Variants in PRSS54 observed in about 807,000 individuals in gnomAD.
PRSS54 encodes the protein serine protease 54.
PRSS54 carries 16 observed loss-of-function variants against 19.9 expected under a neutral mutation model. That is an observed-to-expected ratio of 0.80 (90% confidence interval 0.54 to 1.22). The LOEUF (loss-of-function observed/expected upper bound fraction) is 1.22. Ranked by LOEUF, PRSS54 falls within the 50% of genes most tolerant of loss-of-function variation. The pLI is 0.00. For missense variants in PRSS54, 444 were observed against 494.8 expected, an observed-to-expected ratio of 0.90 and a Z score of 0.97; for synonymous variants, 177 against 195.8, an observed-to-expected ratio of 0.90 and a Z score of 0.80.
chr16:58,286,315 TA>T, intron 4 of PRSS54, 120 bp from the exon 5 acceptor site: 1 of 1,013,026 alleles, frequency 9.9e-7, no homozygotes, highest in Admixed American at 2.1e-5. Context: ...TTTCCTGTGT[TA>T]ATTCTTCCTC....
At chr16:58,291,911 T>C (rs769611705) in intron 3 of PRSS54, among the ~76,000 whole-genome samples, 2 of 152,148 alleles carry the variant, frequency 1.3e-5, no homozygotes, top group Non-Finnish European at 2.9e-5. Context: ...TGTGACCTTG[T>C]GTATTCCTTT....
In PRSS54 at chr16:58,280,439, G is replaced by C; in HGVS notation, c.973C>G (p.Leu325Val). 1 of 1,614,102 alleles carries C rather than the reference G, an allele frequency of 6.2e-7. No individual in the cohort carries two copies. The highest frequency in any genetic ancestry group is 1.1e-5 in the South Asian group (1 of 91,082). Residue 325 changes from leucine to valine, a missense_variant, in exon 7 of 7, where the codon CTA (leucine) becomes GTA (valine). Leu to Val is a conservative substitution (Grantham distance 32). Transcript: ENST00000567164. Reference sequence around the variant, plus strand: ...AGACTATCTCTAGAGCTGTTTCCTAGTCGTGAATGCGTGATGGTCCTTCTT... The same window carrying C: ...AGACTATCTCTAGAGCTGTTTCCTACTCGTGAATGCGTGATGGTCCTTCTT... ...GQRRTITHSR[L>V]GNSSRDSLDV... is the part of the protein sequence containing the mutation.
In PRSS54 at chr16:58,290,972, C is replaced by T. The variant is rs1365082743; in HGVS notation, c.250G>A (p.Ala84Thr). The change falls in exon 4 of 7, where the codon GCC becomes ACC. Residue 84 changes from alanine to threonine, a missense_variant. By Grantham distance (58) the Ala-to-Thr change is moderately conservative. Transcript: ENST00000567164. ...AGGGGCACTGGCCTGTTCTGAATGG[C>T]GGATGCGATGCTGAGGACCCAGAAC... is the stretch of plus-strand genomic sequence containing the variant. The part of the protein sequence containing the change: ...SEFWVLSIAS[A>T]IQNRKDIVVI... 1.9e-6 allele frequency: 3 copies of T among 1,614,136 alleles called. No individual in the cohort carries two copies. Among genetic ancestry groups the T allele is most frequent in the African/African-American group, 2.7e-5 (2 of 75,050 alleles).
chr16:58,283,227 TG>T (rs1299182290), intron 6 of PRSS54: 1 of 152,210 alleles, frequency 6.6e-6, no homozygotes, highest in Non-Finnish European at 1.5e-5. Flanking sequence ...TGATTCTACA[TG>T]TGGGAATTGT....
At chr16:58,286,704 C>T (rs972607677) in intron 4 of PRSS54, among the ~76,000 whole-genome samples, 4 of 151,912 alleles carry the variant, frequency 2.6e-5, no homozygotes, top group Non-Finnish European at 4.4e-5. Flanking sequence ...TTGGGAATCA[C>T]CCAAGAAACT....
intron 6 of PRSS54, chr16:58,284,305 CTG>C (rs1017333577): frequency 2.9e-6 from 1 of 349,224 alleles, no homozygotes; most frequent in Non-Finnish European, 5.5e-6. Context: ...ATATCGGCCT[CTG>C]TGGTTTGGAC....
intron 3 of PRSS54, among the ~76,000 whole-genome samples, chr16:58,292,364 T>C (rs564711681): frequency 1.3e-5 from 2 of 152,038 alleles, no homozygotes; most frequent in South Asian, 4.2e-4. Flanking sequence ...TATAGAGGGA[T>C]ATGTGACACA....
chr16:58,294,640 A>G (rs894366814), intron 1 of PRSS54, among the ~76,000 whole-genome samples: 5 of 152,196 alleles, frequency 3.3e-5, no homozygotes, highest in African/African-American at 1.2e-4. Context: ...TCAGTCTCCC[A>G]AAGTGCTGGG....
At position 58,284,700 on chromosome 16, in the gene PRSS54, T is replaced by A. The variant is rs3815803; in HGVS notation, c.544A>T (p.Ser182Cys). The A allele has an allele frequency of 9.9e-6, 16 of 1,613,780 alleles. No homozygotes were observed. The highest frequency in any genetic ancestry group is 1.7e-5 in the Admixed American group (1 of 59,990). The part of the protein sequence containing the change: ...TSATGNHMTM[S>C]VLRKIFVKDL... ...TTCACGAAGATTTTCCTCAGGACAC[T>A]CATCGTCATGTGATTTCCTGTCTGG... is the stretch of plus-strand genomic sequence containing the variant. Residue 182 changes from serine (S) to cysteine (C), a missense_variant, in exon 6 of 7, where the codon AGT becomes TGT. Physicochemically the swap from Ser to Cys is moderately radical, Grantham distance 112. Coordinates refer to ENST00000567164, the MANE Select transcript of PRSS54 (RefSeq NM_001305173.2).
rs771456287 is a variant in PRSS54, at chr16:58,280,560, C to A, written c.852G>T (p.Leu284Phe). 2.5e-6 allele frequency: 4 copies of A among 1,614,176 alleles called. No homozygotes were observed. Among genetic ancestry groups the A allele is most frequent in the East Asian group, 2.2e-5 (1 of 44,878 alleles). ...PLSSLHHWEK[L>F]ISFSHHGPNA... ...TTGGTCCATGGTGGGAGAAAGAAATCAACTTTTCCCAGTGGTGGAGTGAGG... is the reference window on the plus strand; with the variant it reads ...TTGGTCCATGGTGGGAGAAAGAAATAAACTTTTCCCAGTGGTGGAGTGAGG... The change falls in exon 7 of 7, where the codon TTG (leucine) becomes TTT (phenylalanine). Residue 284 changes from leucine to phenylalanine, a missense_variant. Transcript: ENST00000567164.
chr16:58,285,744 A>AAAAAAAAAAAAAAAAAAGAAG (rs146167626), intron 5 of PRSS54, among the ~76,000 whole-genome samples, 193 bp downstream of exon 5: 3 of 77,350 alleles, frequency 3.9e-5, no homozygotes, highest in African/African-American at 1.4e-4. Context: ...AAAAAAAAAA[A>AAAAAAAAAAAAAAAAAAGAAG]AAGAAGAAGA....
rs763425996 is a variant in PRSS54, at chr16:58,286,006, G to A, written c.453C>T (p.Leu151=). 123 of 1,614,076 alleles carry A rather than the reference G, an allele frequency of 7.6e-5. No homozygotes were observed. The South Asian group carries it at 7.7e-4, about 10-fold the overall frequency. ...FGNLVQSICF[L]GRMLHTPPVL... is the part of the protein sequence containing the mutation. ...CTGGTGGTGTATGCAGCATTCTGCCGAGGAAGCAGATGGACTGGACCAGGT... is the reference window on the plus strand; with the variant it reads ...CTGGTGGTGTATGCAGCATTCTGCCAAGGAAGCAGATGGACTGGACCAGGT... The change falls in exon 5 of 7, where the codon CTC becomes CTT. Residue 151 remains leucine (L), a synonymous_variant. Coordinates refer to ENST00000567164, the MANE Select transcript of PRSS54 (RefSeq NM_001305173.2).
At chr16:58,289,427 G>A (rs1964989726) in intron 4 of PRSS54, among the ~76,000 whole-genome samples, 2 of 152,300 alleles carry the variant, frequency 1.3e-5, no homozygotes, top group Admixed American at 6.5e-5. Flanking sequence ...ATATCCATGA[G>A]TGCTTTGAGT....
chr16:58,290,285 C>T (rs1965010828), intron 4 of PRSS54, among the ~76,000 whole-genome samples: 1 of 151,910 alleles, frequency 6.6e-6, no homozygotes, highest in African/African-American at 2.4e-5. Flanking sequence ...CTAGGAACAG[C>T]TTTGTACATA....
At chr16:58,285,744 A>AAAAAAAAAAAAAAAAAAAAAAGAAG (rs146167626) in intron 5 of PRSS54, among the ~76,000 whole-genome samples, 193 bp downstream of exon 5, 1 of 77,350 alleles carries the variant, frequency 1.3e-5, no homozygotes, top group African/African-American at 7.2e-5. Context: ...AAAAAAAAAA[A>AAAAAAAAAAAAAAAAAAAAAAGAAG]AAGAAGAAGA....
chr16:58,288,849 C>A (rs1162067870), intron 4 of PRSS54, among the ~76,000 whole-genome samples: 1 of 151,944 alleles, frequency 6.6e-6, no homozygotes, highest in Non-Finnish European at 1.5e-5. Flanking sequence ...AAGAAAAGGT[C>A]TCCAAAATTT....
chr16:58,280,850 T>C (rs1964709055), intron 6 of PRSS54, 93 bp from the exon 7 acceptor site: 13 of 1,237,238 alleles, frequency 1.1e-5, no homozygotes, highest in Non-Finnish European at 1.3e-5. Context: ...TCTAGAAATG[T>C]TTTACGCTGG....
At chr16:58,294,498 G>A (rs140736397) in intron 1 of PRSS54, among the ~76,000 whole-genome samples, 1 of 152,166 alleles carries the variant, frequency 6.6e-6, no homozygotes, top group Non-Finnish European at 1.5e-5. Context: ...CTACAGATGT[G>A]CGCCACCACG....
intron 5 of PRSS54, among the ~76,000 whole-genome samples, 193 bp downstream of exon 5, chr16:58,285,744 A>AAAAAAAAAAACAAGAAG (rs146167626): frequency 1.3e-5 from 1 of 77,350 alleles, no homozygotes; most frequent in African/African-American, 7.2e-5. Context: ...AAAAAAAAAA[A>AAAAAAAAAAACAAGAAG]AAGAAGAAGA....
Sources: gnomAD v4.1 joint callset for allele counts (sites outside exome capture counted in the v4.1 genomes callset) on GRCh38, gnomAD v4.1.1 for gene constraint, MANE v1.5 for transcripts, NCBI Gene and HGNC (gene_info 2026-07-23, HGNC 2026-07-21) for gene names.